The following MTIF3 variants were observed in gnomAD, a reference collection of about 807,000 sequenced individuals.
The protein encoded by MTIF3 is mitochondrial translational initiation factor 3, also known as translation initiation factor IF-3, mitochondrial.
A neutral mutation model predicts 20.7 loss-of-function variants in MTIF3; 13 were observed. The ratio of observed to expected loss-of-function variants is 0.63; its 90% CI spans 0.41 to 1.00. The LOEUF is 1.00. Ranked by LOEUF, MTIF3 falls within the 50% of genes least tolerant of loss-of-function variation. MTIF3 has a pLI of 0.00. For synonymous variants in MTIF3, 114 were observed against 112.5 expected, an observed-to-expected ratio of 1.01 and a Z score of -0.08; for missense variants, 295 against 324.5, an observed-to-expected ratio of 0.91 and a Z score of 0.70.
At chr13:27,439,655 G>A (rs1196715936) in intron 3 of MTIF3, among the ~76,000 whole-genome samples, 4 of 152,144 alleles carry the variant, frequency 2.6e-5, no homozygotes, top group Admixed American at 6.5e-5. Flanking sequence ...TCACCCCATC[G>A]GCTACTCAGC....
At chr13:27,438,342 A>AG (rs1953863864) in intron 3 of MTIF3, among the ~76,000 whole-genome samples, 1 of 148,900 alleles carries the variant, frequency 6.7e-6, no homozygotes, top group South Asian at 2.1e-4. Flanking sequence ...AAAAAAAAAA[A>AG]GGCCAGGCAT....
intron 2 of MTIF3, among the ~76,000 whole-genome samples, chr13:27,443,812 A>C (rs1954082174): frequency 6.6e-6 from 1 of 152,198 alleles, no homozygotes; most frequent in Non-Finnish European, 1.5e-5. Context: ...AAAATGTTGA[A>C]GACAAAAGCA....
chr13:27,442,869 T>C (rs1366802442), intron 2 of MTIF3, among the ~76,000 whole-genome samples: 1 of 152,238 alleles, frequency 6.6e-6, no homozygotes, highest in Non-Finnish European at 1.5e-5. Flanking sequence ...TTTATTTGCA[T>C]ATATGTTCAT....
chr13:27,443,440 A>T (rs939618153), intron 2 of MTIF3, among the ~76,000 whole-genome samples: 3 of 152,214 alleles, frequency 2.0e-5, no homozygotes, highest in Non-Finnish European at 4.4e-5. Context: ...GGGGACTCTT[A>T]AGTTCCTGCT....
chr13:27,446,632 G>A (rs975616296), intron 1 of MTIF3, among the ~76,000 whole-genome samples: 3 of 152,156 alleles, frequency 2.0e-5, no homozygotes, highest in Non-Finnish European at 1.5e-5. Flanking sequence ...AAATTTCACT[G>A]TAATTTAATA....
intron 2 of MTIF3, among the ~76,000 whole-genome samples, chr13:27,442,923 T>C (rs948297942): frequency 6.6e-6 from 1 of 152,244 alleles, no homozygotes; most frequent in Non-Finnish European, 1.5e-5. Context: ...AACATGGACT[T>C]TGTCCATTTT....
chr13:27,447,935 C>CTTTA (rs940450869), intron 1 of MTIF3, among the ~76,000 whole-genome samples: 7 of 151,960 alleles, frequency 4.6e-5, no homozygotes, highest in South Asian at 2.1e-4. Flanking sequence ...AGGCTGTTCC[C>CTTTA]TTTATTTATT....
chr13:27,446,302 C>A (rs186297131), intron 1 of MTIF3, among the ~76,000 whole-genome samples: 1 of 152,206 alleles, frequency 6.6e-6, no homozygotes, highest in Admixed American at 6.5e-5. Context: ...AAATGATCCA[C>A]CTGCCTTGGC....
chr13:27,444,342 T>C (rs1954105230), intron 2 of MTIF3, among the ~76,000 whole-genome samples: 2 of 152,060 alleles, frequency 1.3e-5, no homozygotes, highest in African/African-American at 4.8e-5. Context: ...ACTGGAAGTA[T>C]ATAACTTTTA....
intron 2 of MTIF3, among the ~76,000 whole-genome samples, chr13:27,442,027 C>G (rs1954019893): frequency 6.6e-6 from 1 of 152,188 alleles, no homozygotes; most frequent in African/African-American, 2.4e-5. Context: ...ATTTATAGCT[C>G]TGGTGCCAGT....
chr13:27,443,246 TGG>T (rs888954398), intron 2 of MTIF3, among the ~76,000 whole-genome samples: 1 of 152,162 alleles, frequency 6.6e-6, no homozygotes, highest in Non-Finnish European at 1.5e-5. Flanking sequence ...GGCTCTAAGG[TGG>T]GAGCAAAGTG....
chr13:27,447,611 A>G (rs908699049), intron 1 of MTIF3, among the ~76,000 whole-genome samples: 3 of 152,216 alleles, frequency 2.0e-5, no homozygotes, highest in African/African-American at 7.2e-5. Context: ...ACAAGTGCAT[A>G]TACCTTTGTA....
chr13:27,446,422 G>A (rs1593200916), intron 1 of MTIF3, among the ~76,000 whole-genome samples: 1 of 152,206 alleles, frequency 6.6e-6, no homozygotes, highest in Non-Finnish European at 1.5e-5. Context: ...TTAGGATAGT[G>A]TCATGACATC....
At chr13:27,442,990 T>C (rs1330705185) in intron 2 of MTIF3, among the ~76,000 whole-genome samples, 1 of 152,216 alleles carries the variant, frequency 6.6e-6, no homozygotes, top group Non-Finnish European at 1.5e-5. Context: ...CATGCACATG[T>C]CGAATGAATG....
chr13:27,450,355 G>A (rs1954327957), intron 1 of MTIF3, among the ~76,000 whole-genome samples, 154 bp downstream of exon 1: 1 of 152,244 alleles, frequency 6.6e-6, no homozygotes, highest in African/African-American at 2.4e-5. Context: ...CTCCGACTCC[G>A]CAGCAGGACC....
chr13:27,438,629 G>A (rs1953883614), intron 3 of MTIF3, among the ~76,000 whole-genome samples: 1 of 151,850 alleles, frequency 6.6e-6, no homozygotes, highest in Non-Finnish European at 1.5e-5. Flanking sequence ...CCAAGTAGCT[G>A]GGATCACAGG....
At chr13:27,445,475 C>CA (rs796924548) in intron 1 of MTIF3, among the ~76,000 whole-genome samples, 190 of 131,712 alleles carry the variant, frequency 1.4e-3, no homozygotes, top group East Asian at 2.2e-3. Flanking sequence ...GACCCTGTTT[C>CA]AAAAAAAAAA....
At chr13:27,436,662 T>C (rs1370587180) in intron 4 of MTIF3, among the ~76,000 whole-genome samples, 1 of 151,874 alleles carries the variant, frequency 6.6e-6, no homozygotes, top group Non-Finnish European at 1.5e-5. Context: ...TGCTTAGTTT[T>C]GAAAAGCAAA....
At chr13:27,442,218 A>G (rs1200508178) in intron 2 of MTIF3, among the ~76,000 whole-genome samples, 2 of 152,184 alleles carry the variant, frequency 1.3e-5, no homozygotes, top group Admixed American at 6.5e-5. Flanking sequence ...CTGGTTGCTC[A>G]GGCCAAAAAT....
Sources: gnomAD v4.1 joint callset for allele counts (sites outside exome capture counted in the v4.1 genomes callset) on GRCh38, gnomAD v4.1.1 for gene constraint, MANE v1.5 for transcripts, NCBI Gene and HGNC (gene_info 2026-07-23, HGNC 2026-07-21) for gene names.